TENM2: variants seen among roughly 807,000 people sequenced by gnomAD.
The protein encoded by TENM2 is teneurin transmembrane protein 2.
In TENM2, 52 loss-of-function variants were observed where a neutral mutation model predicts 245.2. That is an observed-to-expected ratio of 0.21 (90% CI 0.17 to 0.27). The LOEUF (loss-of-function observed/expected upper bound fraction) is 0.27. Among genes scored for constraint, TENM2 ranks in the 10% least tolerant of loss-of-function variants. The pLI is 1.00. For synonymous variants in TENM2, 1,363 were observed against 1,438.9 expected (o/e 0.95, Z 1.19); for missense variants, 3,046 against 3,666.8 (o/e 0.83, Z 4.37).
Position 168,218,548 on chromosome 5 carries a change from C to T in TENM2, c.4657C>T (p.Pro1553Ser). 1 of 1,614,000 alleles carries T rather than the reference C, an allele frequency of 6.2e-7. No individual in the cohort carries two copies. Among genetic ancestry groups the T allele is most frequent in the Admixed American group, 1.7e-5 (1 of 60,026 alleles). Residue 1553 changes from proline (P) to serine (S), a missense_variant, in exon 23 of 29, where the codon CCA becomes TCA. Pro to Ser is a moderately conservative substitution (Grantham distance 74, BLOSUM62 -1). This residue lies in a region of TENM2 where 2,704 missense variants were observed against 3,331.9 expected (regional missense o/e 0.81). Coordinates refer to ENST00000518659, the Ensembl canonical transcript of TENM2. This position sits in a 1 kb window ranked among gnomAD's most constrained non-coding sequence, Gnocchi z 5.2. ...TTCCCCATCATCCTTAGCTGTAGCT[C>T]CAGATGGTACCATTTACATTGCAGA...
chr5:167,043,769 T>C, the TENM2 span, among the ~76,000 whole-genome samples: 1 of 152,144 alleles, frequency 6.6e-6, no homozygotes. Context: ...CCCAGCACTT[T>C]GGGAGGCCGA....
chr5:167,035,005 G>A, the TENM2 span, among the ~76,000 whole-genome samples: 1 of 152,086 alleles, frequency 6.6e-6, no homozygotes, highest in East Asian at 1.9e-4. Flanking sequence ...GGTTGAGGGG[G>A]TACATTAAAC....
intron 2 of TENM2, among the ~76,000 whole-genome samples, chr5:167,745,926 T>A (rs1422894007): frequency 6.6e-6 from 1 of 152,230 alleles, no homozygotes; most frequent in Admixed American, 6.5e-5. Flanking sequence ...GGGGCTCTTA[T>A]GATGCCATGG....
chr5:167,640,860 CATATATATATATATATATATATATAT>C (rs58985992), intron 2 of TENM2, among the ~76,000 whole-genome samples: 15,052 of 47,652 alleles, frequency 0.32, 2,265 homozygotes, highest in Middle Eastern at 0.44. Context: ...TATATATATC[CATATATATATATATATATATATATAT>C]ATATATATAT....
chr5:167,595,374 G>A (rs1308496894), intron 2 of TENM2, among the ~76,000 whole-genome samples: 1 of 152,176 alleles, frequency 6.6e-6, no homozygotes, highest in East Asian at 1.9e-4. Flanking sequence ...CCGAGGCCCA[G>A]AGAAAGAAAA....
intron 17 of TENM2, 26 bp from the exon 20 acceptor site, chr5:168,203,663 T>C (rs773094023): frequency 3.8e-6 from 6 of 1,567,854 alleles, no homozygotes; most frequent in Middle Eastern, 1.7e-4. Flanking sequence ...TTTCTCTCAC[T>C]CTGCCCCACC....
At chr5:167,108,699 A>C in the TENM2 span, among the ~76,000 whole-genome samples, 1 of 152,224 alleles carries the variant, frequency 6.6e-6, no homozygotes, top group Admixed American at 6.5e-5. Context: ...TCATCCTTGC[A>C]GCAACAAATA....
chr5:167,411,606 G>GTGTGTGTA (rs1340189182), intron 2 of TENM2, among the ~76,000 whole-genome samples: 10 of 147,764 alleles, frequency 6.8e-5, no homozygotes, highest in South Asian at 4.3e-4. Context: ...GTGTGTGTGT[G>GTGTGTGTA]TGTATGTATG....
chr5:168,117,231 C>G (rs1320485344), intron 9 of TENM2, among the ~76,000 whole-genome samples: 1 of 152,174 alleles, frequency 6.6e-6, no homozygotes, highest in Non-Finnish European at 1.5e-5. Context: ...AGCTGATGGG[C>G]GAACTACTAG....
At chr5:167,123,081 T>C in the TENM2 span, among the ~76,000 whole-genome samples, 1 of 150,392 alleles carries the variant, frequency 6.6e-6, no homozygotes, top group Non-Finnish European at 1.5e-5. Context: ...GTGGATCACC[T>C]GGGATCAGGA....
rs747788072 is a variant in TENM2, at chr5:168,247,170, C to T, written c.6231C>T (p.Tyr2077=). 1.2e-5 allele frequency: 19 copies of T among 1,613,814 alleles called. No homozygotes were observed. Among genetic ancestry groups the T allele is most frequent in the Middle Eastern group, 3.3e-4 (2 of 6,082 alleles). The change falls in exon 27 of 29, where the codon TAC becomes TAT. Residue 2077 remains tyrosine (Y), a synonymous_variant. Transcript: ENST00000518659. The surrounding 1 kb of genome is among the most constrained non-coding windows in gnomAD (Gnocchi z 7.8). ...GCCCCCTGGTGGACAAGCAGATCTA[C>T]AGGTTCTCCGAGGAAGGCATGGTCA...
At chr5:167,165,276 C>G in the TENM2 span, 1 of 152,132 alleles carries the variant, frequency 6.6e-6, no homozygotes, top group Admixed American at 6.6e-5. Context: ...TGGGTTCTAC[C>G]CATCAGAGTC....
chr5:168,150,946 C>T (rs1056970230), intron 12 of TENM2, among the ~76,000 whole-genome samples: 2 of 152,180 alleles, frequency 1.3e-5, no homozygotes, highest in Non-Finnish European at 2.9e-5. Flanking sequence ...TGAAGTGGCT[C>T]AGTGAAGTAA....
chr5:167,404,197 T>A (rs187019182), intron 2 of TENM2, among the ~76,000 whole-genome samples: 1 of 150,908 alleles, frequency 6.6e-6, no homozygotes, highest in East Asian at 2.0e-4. Context: ...TGAGGATGGG[T>A]AGAAGAGAAG....
At chr5:167,080,219 A>G in the TENM2 span, among the ~76,000 whole-genome samples, 6,307 of 152,282 alleles carry the variant, frequency 0.041, 177 homozygotes, top group South Asian at 0.092. Context: ...TGTTTTTAAT[A>G]ATTCATAAAT....
chr5:167,361,975 A>G (rs1759743753), intron 1 of TENM2, among the ~76,000 whole-genome samples: 1 of 152,192 alleles, frequency 6.6e-6, no homozygotes, highest in South Asian at 2.1e-4. Flanking sequence ...TGATGACATA[A>G]GAATTTTTTT....
the TENM2 span, among the ~76,000 whole-genome samples, chr5:167,007,233 C>A: frequency 6.6e-6 from 1 of 152,132 alleles, no homozygotes; most frequent in South Asian, 2.1e-4. This position sits in a 1 kb window ranked among gnomAD's most constrained non-coding sequence, Gnocchi z 4.2. Context: ...ACTATGCTTG[C>A]TTGCCTGTCA....
intron 12 of TENM2, among the ~76,000 whole-genome samples, chr5:168,156,264 A>C (rs1447963535): frequency 1.3e-5 from 2 of 150,902 alleles, no homozygotes; most frequent in East Asian, 3.9e-4. Context: ...AAAAAAAAAA[A>C]AACACTTTTT....
At chr5:167,156,739 C>A in the TENM2 span, among the ~76,000 whole-genome samples, 1 of 152,206 alleles carries the variant, frequency 6.6e-6, no homozygotes, top group Non-Finnish European at 1.5e-5. Flanking sequence ...AAAATGCACT[C>A]TCCTGGGTAC....
Sources: allele counts gnomAD v4.1 joint callset (sites outside exome capture counted in the v4.1 genomes callset), GRCh38; gene constraint gnomAD v4.1.1; regional missense constraint gnomAD v4.1.1; non-coding constraint Gnocchi (gnomAD v3.1); transcripts MANE v1.5; gene names NCBI Gene and HGNC (gene_info 2026-07-23, HGNC 2026-07-21).